The following DNM3 variants were observed in gnomAD, a reference collection of about 807,000 sequenced individuals.
DNM3 encodes the protein dynamin-3.
Under a neutral mutation model 101.6 loss-of-function variants are expected in DNM3, and 47 were observed. That is an observed-to-expected ratio of 0.46 (90% CI 0.37 to 0.59). The LOEUF (loss-of-function observed/expected upper bound fraction) is 0.59, where lower values mean the gene tolerates loss of function less well. DNM3 is among the 20% of genes least tolerant of loss of function. The probability of loss-of-function intolerance (pLI) is 0.00; values close to 1 mark genes in which losing one functional copy is unlikely to be tolerated. For missense variants in DNM3, 849 were observed against 1,085.7 expected, an observed-to-expected ratio of 0.78 and a Z score of 3.06; for synonymous variants, 385 against 387.9, an observed-to-expected ratio of 0.99 and a Z score of 0.09.
intron 1 of DNM3, among the ~76,000 whole-genome samples, chr1:171,894,452 T>G (rs1035145092): frequency 2.0e-5 from 3 of 152,078 alleles, no homozygotes; most frequent in African/African-American, 7.2e-5. Flanking sequence ...TCTCCCAGGC[T>G]GGAGTGCAGT....
intron 14 of DNM3, among the ~76,000 whole-genome samples, chr1:172,160,070 A>G (rs943446323): frequency 3.3e-5 from 5 of 152,006 alleles, no homozygotes; most frequent in East Asian, 1.9e-4. Context: ...GATAAAAAAA[A>G]AAAAAAAGGT....
chr1:171,849,986 G>A (rs2032730202), intron 1 of DNM3, among the ~76,000 whole-genome samples: 1 of 152,152 alleles, frequency 6.6e-6, no homozygotes, highest in Admixed American at 6.5e-5. Context: ...TTGATGCTGT[G>A]ATATAAAGTA....
intron 15 of DNM3, among the ~76,000 whole-genome samples, chr1:172,300,191 A>G (rs546253095): frequency 7.2e-5 from 11 of 152,026 alleles, no homozygotes; most frequent in African/African-American, 2.4e-4. Context: ...TCTTCTTTTG[A>G]TAAGTGTCTG....
chr1:172,075,883 A>T (rs1330045013), intron 11 of DNM3, among the ~76,000 whole-genome samples: 3 of 152,182 alleles, frequency 2.0e-5, no homozygotes, highest in Non-Finnish European at 4.4e-5. Flanking sequence ...GATAGCATTG[A>T]ATCTATAAAT....
intron 2 of DNM3, among the ~76,000 whole-genome samples, chr1:171,974,054 G>A (rs925644502): frequency 6.6e-6 from 1 of 151,940 alleles, no homozygotes; most frequent in Non-Finnish European, 1.5e-5. Flanking sequence ...ACTCTTGTGA[G>A]GTTAACAAGA....
At chr1:172,288,414 A>G (rs2063780386) in intron 15 of DNM3, among the ~76,000 whole-genome samples, 1 of 152,200 alleles carries the variant, frequency 6.6e-6, no homozygotes, top group African/African-American at 2.4e-5. Context: ...GGCAAGAATC[A>G]GGGGCCAGAT....
intron 1 of DNM3, among the ~76,000 whole-genome samples, chr1:171,896,133 G>T (rs780952347): frequency 1.3e-5 from 2 of 152,062 alleles, no homozygotes; most frequent in Non-Finnish European, 2.9e-5. Context: ...CTCCTTTTTG[G>T]TTCCATATGA....
At chr1:172,124,959 A>G (rs1207505413) in intron 13 of DNM3, among the ~76,000 whole-genome samples, 5 of 152,186 alleles carry the variant, frequency 3.3e-5, no homozygotes, top group Non-Finnish European at 5.9e-5. Flanking sequence ...TTCAAGGACA[A>G]GTAACCTGTA....
At chr1:171,883,411 ACACCCT>A (rs1374803215) in intron 1 of DNM3, among the ~76,000 whole-genome samples, 1 of 45,182 alleles carries the variant, frequency 2.2e-5, no homozygotes, top group Non-Finnish European at 5.0e-5. Context: ...ACACACACAC[ACACCCT>A]GTCAGAATGA....
intron 17 of DNM3, among the ~76,000 whole-genome samples, chr1:172,340,972 C>T (rs1464698542): frequency 1.3e-5 from 2 of 152,010 alleles, no homozygotes; most frequent in African/African-American, 4.8e-5. Flanking sequence ...GAAATATGTG[C>T]CATCAATGCC....
chr1:171,856,971 CG>C (rs1553274844), intron 1 of DNM3, among the ~76,000 whole-genome samples: 1 of 152,022 alleles, frequency 6.6e-6, no homozygotes, highest in Non-Finnish European at 1.5e-5. Flanking sequence ...TTTGATAGAT[CG>C]AGATGAAGCC....
Position 172,409,537 on chromosome 1 carries a change from T to C in DNM3, c.*1696T>C. ...CAACTTTTAAGGTTACCAGTGATTG[T>C]ATAAAAACATCACAATCCTAAATCC... On this transcript the variant is annotated 3_prime_UTR_variant, in exon 21 of 21. Transcript: ENST00000627582. 1.0e-6 allele frequency: 1 copy of C among 984,696 alleles called. No individual in the cohort carries two copies. The highest frequency in any genetic ancestry group is 1.2e-6 in the Non-Finnish European group (1 of 829,298). 61.0% of individuals were successfully genotyped at this position (984,696 alleles called of 1,614,324 possible). A position where few individuals can be genotyped will look rare whatever the true frequency, so the allele number is the denominator to read the frequency against.
chr1:172,087,734 TTAC>T (rs1271733735), intron 12 of DNM3, among the ~76,000 whole-genome samples: 1 of 152,200 alleles, frequency 6.6e-6, no homozygotes, highest in Non-Finnish European at 1.5e-5. Flanking sequence ...CTTACTTGAG[TTAC>T]TACAACAGTC....
At chr1:171,855,741 T>C (rs2125018051) in intron 1 of DNM3, among the ~76,000 whole-genome samples, 1 of 152,352 alleles carries the variant, frequency 6.6e-6, no homozygotes, top group South Asian at 2.1e-4. Context: ...CTTGTAAATT[T>C]GTTTAAGTTA....
Position 172,139,077 on chromosome 1 carries a change from A to G in DNM3, c.1659+7789A>G, listed in dbSNP as rs577110386. 2.6e-5 allele frequency: 9 copies of G among 352,592 alleles called. No homozygotes were observed. The Admixed American group carries it at 3.5e-4, about 14-fold the overall frequency. The allele number at this position is 352,592 out of a possible 1,614,324, so 21.8% of individuals were successfully genotyped here. A position where few individuals can be genotyped will look rare whatever the true frequency, so the allele number is the denominator to read the frequency against. On this transcript the variant is annotated intron_variant, in intron 14 of 20. Transcript: ENST00000627582. Reference sequence around the variant, plus strand: ...AGACTTTTGACTTTATTCAGAAAGTACATTTATACATTTGTTCCAAATGTG... The same window carrying G: ...AGACTTTTGACTTTATTCAGAAAGTGCATTTATACATTTGTTCCAAATGTG...
In DNM3 at chr1:172,008,198, T is replaced by C. The variant is rs115961508; in HGVS notation, c.589+19050T>C. ...TTTCCTCCGGTATGCAGAAGTTTTT[T>C]AGTGTGATGTAATTTCATTTGTCTG... On this transcript the variant is annotated intron_variant, in intron 4 of 20. Coordinates refer to ENST00000627582, the MANE Select transcript of DNM3 (RefSeq NM_015569.5). Among the ~76,000 whole-genome samples, 408 of 152,136 alleles carry C rather than the reference T, an allele frequency of 2.7e-3. 2 individuals are homozygous for C. Among genetic ancestry groups the C allele is most frequent in the Non-Finnish European group, 4.4e-3 (298 of 67,988 alleles).
chr1:171,873,661 G>A (rs990083986), intron 1 of DNM3, among the ~76,000 whole-genome samples: 2 of 152,116 alleles, frequency 1.3e-5, no homozygotes, highest in Non-Finnish European at 2.9e-5. Flanking sequence ...AAGAGTTGAT[G>A]TTTCAAATGG....
In DNM3 at chr1:172,362,742, T is replaced by C. The variant is rs545980419; in HGVS notation, c.1894-16276T>C. ...CAGCCCCCTTTCCACATTCTGCACC[T>C]CACCCTCCTAATCCAGCTTCTGGCC... On this transcript the variant is annotated intron_variant, in intron 17 of 20. Coordinates refer to ENST00000627582, the MANE Select transcript of DNM3 (RefSeq NM_015569.5). Among the ~76,000 whole-genome samples, 517 of 151,414 alleles carry C rather than the reference T, an allele frequency of 3.4e-3. 2 individuals are homozygous for C. Among genetic ancestry groups the C allele is most frequent in the African/African-American group, 0.012 (491 of 41,266 alleles).
chr1:172,238,939 T>C (rs922861440), intron 14 of DNM3, among the ~76,000 whole-genome samples: 5 of 152,228 alleles, frequency 3.3e-5, no homozygotes, highest in African/African-American at 9.6e-5. Flanking sequence ...GATTCTCTAA[T>C]TGCGGAATTT....
Sources: allele counts gnomAD v4.1 joint callset (sites outside exome capture counted in the v4.1 genomes callset), GRCh38; gene constraint gnomAD v4.1.1; transcripts MANE v1.5; gene names NCBI Gene and HGNC (gene_info 2026-07-23, HGNC 2026-07-21).